Variants in PTPN21 observed in about 807,000 individuals in gnomAD.
The protein encoded by PTPN21 is tyrosine-protein phosphatase non-receptor type 21.
In PTPN21, 77 loss-of-function variants were observed where a neutral mutation model predicts 131.8. That is an observed-to-expected ratio of 0.58 (90% CI 0.49 to 0.71). The LOEUF is 0.71. Among genes scored for constraint, PTPN21 ranks in the 30% least tolerant of loss-of-function variants. The pLI is 0.00. For synonymous variants in PTPN21, 715 were observed against 621.3 expected, an observed-to-expected ratio of 1.15 and a Z score of -2.24; for missense variants, 1,552 against 1,527.1, an observed-to-expected ratio of 1.02 and a Z score of -0.27.
At position 88,470,972 on chromosome 14, in the gene PTPN21, T is replaced by C. The variant is rs74072651; in HGVS notation, c.2872-922A>G. Reference sequence around the variant, plus strand: ...CAAATTCTTTCCTCTATTCTGCAAGTGGCTGCTGAAGATTTTGAAATATCA... The same window carrying C: ...CAAATTCTTTCCTCTATTCTGCAAGCGGCTGCTGAAGATTTTGAAATATCA... On this transcript the variant is annotated intron_variant, in intron 15 of 18. Coordinates refer to ENST00000556564, the MANE Select transcript of PTPN21 (RefSeq NM_007039.4). Among the ~76,000 whole-genome samples the C allele has an allele frequency of 4.2e-3, 635 of 152,338 alleles. 8 individuals are homozygous for C. Among genetic ancestry groups the C allele is most frequent in the African/African-American group, 0.015 (603 of 41,572 alleles).
intron 2 of PTPN21, among the ~76,000 whole-genome samples, chr14:88,529,242 T>C (rs1405333715): frequency 6.6e-6 from 1 of 152,192 alleles, no homozygotes; most frequent in Non-Finnish European, 1.5e-5. Flanking sequence ...GATCATATTG[T>C]TTTTAATGCT....
chr14:88,518,251 A>C (rs1275054067), intron 2 of PTPN21, among the ~76,000 whole-genome samples: 1 of 62,818 alleles, frequency 1.6e-5, no homozygotes, highest in Non-Finnish European at 2.8e-5. Context: ...AAAAAAAAAA[A>C]AAAAATATAT....
chr14:88,525,451 A>G (rs2139330141), intron 2 of PTPN21, among the ~76,000 whole-genome samples: 1 of 152,336 alleles, frequency 6.6e-6, no homozygotes, highest in Non-Finnish European at 1.5e-5. Context: ...TAACAAGCAC[A>G]TGAAAAGATG....
chr14:88,534,202 C>T (rs2078595222), intron 2 of PTPN21, among the ~76,000 whole-genome samples: 1 of 150,340 alleles, frequency 6.7e-6, no homozygotes, highest in South Asian at 2.1e-4. Flanking sequence ...GGCAAAAACC[C>T]ACCTCTGCTA....
intron 10 of PTPN21, among the ~76,000 whole-genome samples, chr14:88,491,734 T>C (rs73315955): frequency 0.037 from 5,613 of 152,278 alleles, 348 homozygotes; most frequent in African/African-American, 0.13. Context: ...AGTAATTACA[T>C]AGGAATAGCT....
Position 88,497,260 on chromosome 14 carries a change from G to C in PTPN21, c.795C>G (p.Asn265Lys), listed in dbSNP as rs764079290. The change falls in exon 9 of 19, where the codon AAC (asparagine) becomes AAG (lysine). Residue 265 changes from asparagine to lysine, a missense_variant. This residue lies in a region of PTPN21 where 1,016 missense variants were observed against 883.5 expected (regional missense o/e 1.15). Transcript: ENST00000556564. ...RWHDIANMSH[N>K]KSFFALELAN... ...CCAGCTCTAATGCAAAAAAGGACTT[G>C]TTGTGGGACATGTTGGCAATGTCAT... 4.3e-6 allele frequency: 7 copies of C among 1,613,576 alleles called. No homozygotes were observed. The highest frequency in any genetic ancestry group is 5.9e-6 in the Non-Finnish European group (7 of 1,179,504).
intron 10 of PTPN21, among the ~76,000 whole-genome samples, chr14:88,492,173 A>G (rs1026353017): frequency 6.6e-6 from 1 of 152,272 alleles, no homozygotes; most frequent in Non-Finnish European, 1.5e-5. Flanking sequence ...GAAGAAACAA[A>G]CTGAGGTAAT....
In PTPN21 at chr14:88,467,047, G is replaced by C. The variant is rs2077375171; in HGVS notation, c.*1090C>G. 2 of 152,182 alleles carry C rather than the reference G, an allele frequency of 1.3e-5. No homozygotes were observed. The highest frequency in any genetic ancestry group is 1.3e-4 in the Admixed American group (2 of 15,274). 9.4% of individuals were successfully genotyped at this position (152,182 alleles called of 1,614,324 possible). A position where few individuals can be genotyped will look rare whatever the true frequency, so the allele number is the denominator to read the frequency against. Reference sequence around the variant, plus strand: ...AGGACTTGAATTCCCTGGGGACAGTGCTGTGGGGTCCCCTGCTCGCCATCC... The same window carrying C: ...AGGACTTGAATTCCCTGGGGACAGTCCTGTGGGGTCCCCTGCTCGCCATCC... On this transcript the variant is annotated 3_prime_UTR_variant, in exon 19 of 19. Transcript: ENST00000556564.
intron 2 of PTPN21, among the ~76,000 whole-genome samples, chr14:88,544,866 C>A (rs1468721623): frequency 4.6e-5 from 7 of 151,980 alleles, no homozygotes; most frequent in Admixed American, 2.6e-4. Flanking sequence ...CTCACTCTGT[C>A]GCCCAGGCTG....
At chr14:88,497,142 G>A in intron 9 of PTPN21, 61 bp downstream of exon 9, 1 of 1,294,914 alleles carries the variant, frequency 7.7e-7, no homozygotes. Context: ...CAGGCACGCA[G>A]AAGTAGAACT....
intron 2 of PTPN21, among the ~76,000 whole-genome samples, chr14:88,536,432 T>C (rs2078632234): frequency 6.6e-6 from 1 of 152,252 alleles, no homozygotes; most frequent in Admixed American, 6.5e-5. Flanking sequence ...TGACTTACTT[T>C]ACATGAACTG....
At chr14:88,516,680 T>C (rs1277015095) in intron 3 of PTPN21, among the ~76,000 whole-genome samples, 1 of 152,166 alleles carries the variant, frequency 6.6e-6, no homozygotes, top group Non-Finnish European at 1.5e-5. Context: ...CTACAGAATA[T>C]AGCTAGAGGC....
intron 2 of PTPN21, among the ~76,000 whole-genome samples, chr14:88,544,978 C>A (rs554789251): frequency 2.6e-5 from 4 of 152,190 alleles, no homozygotes; most frequent in South Asian, 2.1e-4. Context: ...CAGGCATACA[C>A]CATCACGCAT....
Position 88,477,446 on chromosome 14 carries a change from T to TCAAAAAAAAAAAAA in PTPN21, c.2511+1473_2511+1474insTTTTTTTTTTTTTG, listed in dbSNP as rs369022409. On this transcript the variant is annotated intron_variant, in intron 13 of 18. Transcript: ENST00000556564. ...CCTGGGCAACAGGGCAAGACTGTTC[T>TCAAAAAAAAAAAAA]AAAAAAAAAAAAAAAAAAAAAAAAG... 6.5e-5 allele frequency among the ~76,000 whole-genome samples: 5 copies of TCAAAAAAAAAAAAA among 76,360 alleles called. 1 individual carries two copies. Among genetic ancestry groups the TCAAAAAAAAAAAAA allele is most frequent in the Non-Finnish European group, 9.6e-5 (4 of 41,800 alleles). The allele number at this position is 76,360 out of a possible 152,430, so 50.1% of individuals were successfully genotyped here.
chr14:88,468,791 G>T, intron 18 of PTPN21, 125 bp downstream of exon 18: 1 of 1,187,446 alleles, frequency 8.4e-7, no homozygotes, highest in Non-Finnish European at 1.2e-6. Flanking sequence ...GGGAACATTA[G>T]TAACATCTTG....
intron 14 of PTPN21, 43 bp downstream of exon 14, chr14:88,473,622 T>G (rs2077502841): frequency 6.3e-7 from 1 of 1,580,206 alleles, no homozygotes; most frequent in Admixed American, 2.0e-5. Context: ...TATTTACCGG[T>G]TGTTCCAGAG....
At chr14:88,536,992 G>A (rs1653581778) in intron 2 of PTPN21, among the ~76,000 whole-genome samples, 1 of 152,018 alleles carries the variant, frequency 6.6e-6, no homozygotes, top group African/African-American at 2.4e-5. Flanking sequence ...AGATAGTGGC[G>A]GTCACATTGC....
chr14:88,482,707 G>C (rs2077670134), intron 12 of PTPN21, among the ~76,000 whole-genome samples: 1 of 152,056 alleles, frequency 6.6e-6, no homozygotes, highest in Non-Finnish European at 1.5e-5. Flanking sequence ...GGACAGACCT[G>C]CAGAGCTCAC....
At chr14:88,510,547 T>C (rs1278921328) in intron 3 of PTPN21, among the ~76,000 whole-genome samples, 5 of 152,172 alleles carry the variant, frequency 3.3e-5, no homozygotes, top group African/African-American at 1.2e-4. Context: ...CAGTTATAGA[T>C]ATTTCTAGTA....
Sources: allele counts gnomAD v4.1 joint callset (sites outside exome capture counted in the v4.1 genomes callset), GRCh38; gene constraint gnomAD v4.1.1; regional missense constraint gnomAD v4.1.1; transcripts MANE v1.5; gene names NCBI Gene and HGNC (gene_info 2026-07-23, HGNC 2026-07-21).